Variants in INO80D observed in about 807,000 individuals in gnomAD.
INO80D encodes the protein INO80 complex subunit D.
A neutral mutation model predicts 87.6 loss-of-function variants in INO80D; 21 were observed. The ratio of observed to expected loss-of-function variants is 0.24; its 90% CI spans 0.17 to 0.35. The LOEUF is 0.35. Among genes scored for constraint, INO80D ranks in the 10% least tolerant of loss-of-function variants. The pLI, the probability that INO80D is intolerant of heterozygous loss-of-function variation, is 1.00. For missense variants in INO80D, 982 were observed against 1,280.7 expected (o/e 0.77, Z 3.56); for synonymous variants, 440 against 491.0 (o/e 0.90, Z 1.37).
At chr2:206,017,878 T>G in intron 7 of INO80D, 65 bp from the exon 8 acceptor site, 1 of 1,473,252 alleles carries the variant, frequency 6.8e-7, no homozygotes. Flanking sequence ...CTATATAAAA[T>G]TTGCTTGTTC....
intron 9 of INO80D, among the ~76,000 whole-genome samples, chr2:206,008,350 G>A (rs1688083146): frequency 6.8e-6 from 1 of 146,074 alleles, no homozygotes; most frequent in Non-Finnish European, 1.5e-5. Flanking sequence ...GCATGATCTC[G>A]GCTCACTGCA....
rs765113058 is a variant in INO80D, at chr2:206,005,073, G to T, written c.2379C>A (p.Ala793=). The change falls in exon 11 of 11, where the codon GCC becomes GCA. Residue 793 remains alanine (A), a synonymous_variant. Coordinates refer to ENST00000403263, the MANE Select transcript of INO80D (RefSeq NM_017759.5). ...GCTGGGCAGGATGTGGCCTCTGGGAGGCATGGCTGCCGTCATGAAGTCCAT... is the reference window on the plus strand; with the variant it reads ...GCTGGGCAGGATGTGGCCTCTGGGATGCATGGCTGCCGTCATGAAGTCCAT... The part of the protein sequence containing the change: ...QFHGLHDGSH[A]SQRPHPAQLL... The T allele has an allele frequency of 1.1e-5, 18 of 1,613,914 alleles. No individual in the cohort carries two copies. The South Asian group carries it at 2.0e-4, about 18-fold the overall frequency.
intron 3 of INO80D, among the ~76,000 whole-genome samples, chr2:206,059,286 C>T (rs1013080188): frequency 2.6e-5 from 4 of 151,962 alleles, no homozygotes; most frequent in African/African-American, 9.7e-5. Flanking sequence ...GAAGCTGAGG[C>T]AGCAAAATCC....
At position 206,001,476 on chromosome 2, in the gene INO80D, T is replaced by C. The variant is rs542861287; in HGVS notation, c.*2892A>G. The C allele has an allele frequency of 6.0e-4, 92 of 152,350 alleles. No individual in the cohort carries two copies. Among genetic ancestry groups the C allele is most frequent in the African/African-American group, 2.1e-3 (88 of 41,578 alleles). 9.4% of individuals were successfully genotyped at this position (152,350 alleles called of 1,614,324 possible). ...GCTAGTTTCTACCTATTTAGGACCT[T>C]ATATAAGATTTGTTTTTCATTCCAG... On this transcript the variant is annotated 3_prime_UTR_variant, in exon 11 of 11. Coordinates refer to ENST00000403263, the MANE Select transcript of INO80D (RefSeq NM_017759.5).
At chr2:206,073,250 G>A (rs1446670545) in intron 1 of INO80D, among the ~76,000 whole-genome samples, 3 of 152,098 alleles carry the variant, frequency 2.0e-5, no homozygotes, top group Admixed American at 2.0e-4. Flanking sequence ...TTTAAATAAA[G>A]AAGAAGTTAT....
chr2:206,068,640 A>T (rs1380124929), intron 1 of INO80D, among the ~76,000 whole-genome samples: 1 of 151,736 alleles, frequency 6.6e-6, no homozygotes, highest in Admixed American at 6.6e-5. Flanking sequence ...TTTAGATGCA[A>T]CTCTTGTTGG....
chr2:206,025,563 ATATAT>A (rs1688593964), intron 6 of INO80D: 1 of 130,458 alleles, frequency 7.7e-6, no homozygotes, highest in Non-Finnish European at 1.7e-5. Flanking sequence ...ATATATATAT[ATATAT>A]AAAATAACTA....
At chr2:206,008,730 T>C (rs1490233583) in intron 9 of INO80D, among the ~76,000 whole-genome samples, 1 of 152,214 alleles carries the variant, frequency 6.6e-6, no homozygotes, top group Non-Finnish European at 1.5e-5. Context: ...CACCCATGTA[T>C]TAAGAGGCAA....
intron 1 of INO80D, among the ~76,000 whole-genome samples, chr2:206,082,512 C>T (rs1283006917): frequency 6.6e-6 from 1 of 152,166 alleles, no homozygotes; most frequent in African/African-American, 2.4e-5. Context: ...CAAACTCTTG[C>T]TTGAAGAAGT....
chr2:206,044,351 T>C (rs1689136715), intron 5 of INO80D, among the ~76,000 whole-genome samples: 2 of 151,984 alleles, frequency 1.3e-5, no homozygotes, highest in South Asian at 2.1e-4. Context: ...TGGAGCATAA[T>C]AGCCCAACAA....
chr2:206,049,983 A>C (rs1453166882), intron 4 of INO80D, among the ~76,000 whole-genome samples: 2 of 151,950 alleles, frequency 1.3e-5, no homozygotes, highest in Admixed American at 6.6e-5. Flanking sequence ...AATACAAAAA[A>C]TGAGCCAGGC....
At position 206,000,580 on chromosome 2, in the gene INO80D, G is replaced by A. The variant is rs1248605980; in HGVS notation, c.*3788C>T. On this transcript the variant is annotated 3_prime_UTR_variant, in exon 11 of 11. Coordinates refer to ENST00000403263, the MANE Select transcript of INO80D (RefSeq NM_017759.5). ...GGGCACCTCTGTGCATCCCAAACAT[G>A]GTTTCCTTCCTAATCAAAGAGTTGT... 6.6e-6 allele frequency: 1 copy of A among 152,038 alleles called. No homozygotes were observed. Among genetic ancestry groups the A allele is most frequent in the Non-Finnish European group, 1.5e-5 (1 of 67,990 alleles). 9.4% of individuals were successfully genotyped at this position (152,038 alleles called of 1,614,324 possible).
In INO80D at chr2:206,085,262, GC is replaced by G. The variant is rs924153114; in HGVS notation, c.-124+638del. 1.3e-5 allele frequency among the ~76,000 whole-genome samples: 2 copies of G among 149,794 alleles called. No homozygotes were observed. The highest frequency in any genetic ancestry group is 4.9e-5 in the African/African-American group (2 of 40,680). The stretch of plus-strand genomic sequence containing the variant: ...CCCGCCAGGCCGCCCGCCCCGCCCC[GC>G]CCCGGCCTGGCCGTCCGGAGCGCGG... On this transcript the variant is annotated intron_variant, in intron 1 of 10. Coordinates refer to ENST00000403263, the MANE Select transcript of INO80D (RefSeq NM_017759.5). This position sits in a 1 kb window ranked among gnomAD's most constrained non-coding sequence, Gnocchi z 4.5.
intron 6 of INO80D, among the ~76,000 whole-genome samples, chr2:206,023,680 T>TAAAAAA (rs55665575): frequency 9.9e-6 from 1 of 101,516 alleles, no homozygotes; most frequent in African/African-American, 3.7e-5. Flanking sequence ...GAGACTCATC[T>TAAAAAA]AAAAAAAAAA....
In INO80D at chr2:206,001,134, C is replaced by T. The variant is rs535378450; in HGVS notation, c.*3234G>A. ...ATAACCTACCCAGATGTGCAAATTG[C>T]TAAGCCATTTTTACAGAAGAAAAAA... On this transcript the variant is annotated 3_prime_UTR_variant, in exon 11 of 11. Coordinates refer to ENST00000403263, the MANE Select transcript of INO80D (RefSeq NM_017759.5). The T allele has an allele frequency of 6.6e-6, 1 of 152,230 alleles. No individual in the cohort carries two copies. The highest frequency in any genetic ancestry group is 2.4e-5 in the African/African-American group (1 of 41,552). The allele number at this position is 152,230 out of a possible 1,614,324, so 9.4% of individuals were successfully genotyped here.
chr2:206,074,894 G>A (rs1489713443), intron 1 of INO80D, among the ~76,000 whole-genome samples: 3 of 151,886 alleles, frequency 2.0e-5, no homozygotes, highest in Non-Finnish European at 4.4e-5. Flanking sequence ...AGCCGAGATC[G>A]CTCCATTGCA....
At chr2:206,055,809 T>C (rs1689502044) in intron 4 of INO80D, among the ~76,000 whole-genome samples, 1 of 152,242 alleles carries the variant, frequency 6.6e-6, no homozygotes, top group South Asian at 2.1e-4. Context: ...TTTCTTGTCA[T>C]TATTCCCTAA....
Position 206,009,804 on chromosome 2 carries a change from G to T in INO80D, c.1543-10C>A. The T allele has an allele frequency of 6.3e-7, 1 of 1,589,040 alleles. No individual in the cohort carries two copies. Among genetic ancestry groups the T allele is most frequent in the Non-Finnish European group, 8.6e-7 (1 of 1,165,472 alleles). On this transcript the variant is annotated splice_polypyrimidine_tract_variant and intron_variant, in intron 8 of 10. Coordinates refer to ENST00000403263, the MANE Select transcript of INO80D (RefSeq NM_017759.5). The stretch of plus-strand genomic sequence containing the variant: ...CTCTCAAGAAATTATCCTTTGGAAT[G>T]AATAAATAGGCTTTTAAATTGAGAT...
chr2:206,050,631 T>A (rs961904556), intron 4 of INO80D, among the ~76,000 whole-genome samples: 5 of 138,596 alleles, frequency 3.6e-5, no homozygotes, highest in Admixed American at 1.4e-4. Flanking sequence ...ATTTAGTAGA[T>A]GATGCCGGTA....
Sources: gnomAD v4.1 joint callset for allele counts (sites outside exome capture counted in the v4.1 genomes callset) on GRCh38, gnomAD v4.1.1 for gene constraint, Gnocchi (gnomAD v3.1) non-coding constraint, MANE v1.5 for transcripts, NCBI Gene and HGNC (gene_info 2026-07-23, HGNC 2026-07-21) for gene names.